Variants in TTF2 observed in about 807,000 individuals in gnomAD.
TTF2 encodes the protein transcription termination factor 2.
In TTF2, 108 loss-of-function variants were observed where a neutral mutation model predicts 142.4. The observed-to-expected ratio is 0.76, with a 90% CI of 0.65 to 0.89. TTF2 has a LOEUF of 0.89. TTF2 is among the 40% of genes least tolerant of loss of function. The pLI is 0.00. For missense variants in TTF2, 1,327 were observed against 1,379.8 expected, an observed-to-expected ratio of 0.96 and a Z score of 0.61; for synonymous variants, 483 against 506.2, an observed-to-expected ratio of 0.95 and a Z score of 0.61.
rs146843994 is a variant in TTF2, at chr1:117,085,245, C to T, written c.2054+1077C>T. ...TCTGAATTAGGCATATCATTTTTAT[C>T]AAAAGTATTTATTGAGGTTCTCTTG... is the stretch of plus-strand genomic sequence containing the variant. On this transcript the variant is annotated intron_variant, in intron 11 of 22. Transcript: ENST00000369466. The surrounding 1 kb of genome is among the most constrained non-coding windows in gnomAD (Gnocchi z 4.7). Among the ~76,000 whole-genome samples the T allele has an allele frequency of 2.0e-3, 312 of 152,204 alleles. 2 individuals carry two copies. Among genetic ancestry groups the T allele is most frequent in the African/African-American group, 7.4e-3 (306 of 41,518 alleles).
rs192551490 is a variant in TTF2, at chr1:117,097,545, G to A, written c.3269+112G>A. The A allele has an allele frequency of 2.2e-5, 22 of 990,632 alleles. No individual in the cohort carries two copies. The highest frequency in any genetic ancestry group is 7.1e-5 in the East Asian group (3 of 42,074). 61.4% of individuals were successfully genotyped at this position (990,632 alleles called of 1,614,324 possible). A position where few individuals can be genotyped will look rare whatever the true frequency, so the allele number is the denominator to read the frequency against. On this transcript the variant is annotated intron_variant, in intron 21 of 22. Coordinates refer to ENST00000369466, the MANE Select transcript of TTF2 (RefSeq NM_003594.4). The surrounding 1 kb of genome is among the most constrained non-coding windows in gnomAD (Gnocchi z 4.1). ...TTGATTGCTGTGTTCGTATTGCAGA[G>A]ATGCCTTGCTTTGTATGTGTCTATA... is the stretch of plus-strand genomic sequence containing the variant.
rs1323841645 is a variant in TTF2, at chr1:117,099,704, C to A, written c.3344+797C>A. ...TCACAATGGCCCTCTTTTTTGCCTTCCTTTTCATGACCAGGTTTCCTGAAG... is the reference window on the plus strand; with the variant it reads ...TCACAATGGCCCTCTTTTTTGCCTTACTTTTCATGACCAGGTTTCCTGAAG... On this transcript the variant is annotated intron_variant, in intron 22 of 22. Transcript: ENST00000369466. This position sits in a 1 kb window ranked among gnomAD's most constrained non-coding sequence, Gnocchi z 4.3. 6.6e-6 allele frequency among the ~76,000 whole-genome samples: 1 copy of A among 152,174 alleles called. No individual in the cohort carries two copies. The highest frequency in any genetic ancestry group is 2.4e-5 in the African/African-American group (1 of 41,436).
intron 2 of TTF2, 52 bp downstream of exon 2, chr1:117,060,609 A>T: frequency 6.6e-7 from 1 of 1,525,778 alleles, no homozygotes; most frequent in Non-Finnish European, 8.8e-7. Flanking sequence ...GCCTCCCGAG[A>T]GGAGCTTCCC....
rs1649889209 is a variant in TTF2, at chr1:117,105,758, T to C, written c.*4234T>C. On this transcript the variant is annotated 3_prime_UTR_variant, in exon 23 of 23. Transcript: ENST00000369466. This position sits in a 1 kb window ranked among gnomAD's most constrained non-coding sequence, Gnocchi z 4.7. ...AGCAGAGTAAGTGTTTTTGGAACAA[T>C]TGCTAATGAAAAGAAGGAAAAACAG... The C allele has an allele frequency of 6.6e-6, 1 of 152,024 alleles. No homozygotes were observed. The allele number at this position is 152,024 out of a possible 1,614,324, so 9.4% of individuals were successfully genotyped here. A position where few individuals can be genotyped will look rare whatever the true frequency, so the allele number is the denominator to read the frequency against.
At chr1:117,089,935 A>G (rs1205497809) in intron 13 of TTF2, 120 bp from the exon 14 acceptor site, 2 of 1,176,986 alleles carry the variant, frequency 1.7e-6, no homozygotes, top group African/African-American at 3.1e-5. Flanking sequence ...TTTAAAAGTG[A>G]TTGGATGACA....
rs938367875 is a variant in TTF2, at chr1:117,070,489, C to A, written c.219-3172C>A. On this transcript the variant is annotated intron_variant, in intron 3 of 22. Transcript: ENST00000369466. This position sits in a 1 kb window ranked among gnomAD's most constrained non-coding sequence, Gnocchi z 4.2. The stretch of plus-strand genomic sequence containing the variant: ...TCTCATGGGACCACAGTTGTATGTG[C>A]CATCCACTGTTGACTGAAACATCAT... Among the ~76,000 whole-genome samples, 15 of 152,180 alleles carry A rather than the reference C, an allele frequency of 9.9e-5. No homozygotes were observed. The highest frequency in any genetic ancestry group is 2.1e-4 in the Non-Finnish European group (14 of 68,040).
In TTF2 at chr1:117,080,560, G is replaced by A. The variant is rs140770730; in HGVS notation, c.1783+911G>A. ...AACCAGAAAGCAAGTTTTCCACTCT[G>A]CTTTGGGGACTTGTCAGGCTAAAAT... On this transcript the variant is annotated intron_variant, in intron 9 of 22. Transcript: ENST00000369466. The surrounding 1 kb of genome is among the most constrained non-coding windows in gnomAD (Gnocchi z 4.3). 8.3e-4 allele frequency among the ~76,000 whole-genome samples: 126 copies of A among 152,314 alleles called. No individual in the cohort carries two copies. Among genetic ancestry groups the A allele is most frequent in the Non-Finnish European group, 5.0e-4 (34 of 68,020 alleles).
chr1:117,060,868 C>A (rs1246039402), intron 2 of TTF2, among the ~76,000 whole-genome samples: 1 of 152,202 alleles, frequency 6.6e-6, no homozygotes, highest in Non-Finnish European at 1.5e-5. Context: ...TTAACCACTC[C>A]CTTCTCCTGC....
chr1:117,090,101 C>A lies in TTF2; in HGVS notation c.2389C>A (p.Gln797Lys). The A allele has an allele frequency of 6.2e-7, 1 of 1,614,014 alleles. No individual in the cohort carries two copies. Among genetic ancestry groups the A allele is most frequent in the South Asian group, 1.1e-5 (1 of 91,046 alleles). ...PFDEFNLWRS[Q>K]VDNGSKKGGE... The stretch of plus-strand genomic sequence containing the variant: ...TGATGAGTTCAATCTGTGGAGGAGT[C>A]AGGTTGACAATGGCTCAAAGAAAGG... Residue 797 changes from glutamine to lysine, a missense_variant, in exon 14 of 23, where the codon CAG (glutamine) becomes AAG (lysine). Coordinates refer to ENST00000369466, the MANE Select transcript of TTF2 (RefSeq NM_003594.4). This position sits in a 1 kb window ranked among gnomAD's most constrained non-coding sequence, Gnocchi z 4.8.
rs916659375 is a variant in TTF2 at position 117,104,925 on chromosome 1, C to T, written c.*3401C>T. On this transcript the variant is annotated 3_prime_UTR_variant, in exon 23 of 23. Transcript: ENST00000369466. ...TATTCATTTTAGTGTAAATCAGTTT[C>T]GTCAAGTCTAGGTATGACAAGGTGG... 2.0e-5 allele frequency: 3 copies of T among 152,126 alleles called. No individual in the cohort carries two copies. Among genetic ancestry groups the T allele is most frequent in the Non-Finnish European group, 2.9e-5 (2 of 68,032 alleles). 9.4% of individuals were successfully genotyped at this position (152,126 alleles called of 1,614,324 possible). A position where few individuals can be genotyped will look rare whatever the true frequency, so the allele number is the denominator to read the frequency against.
rs911842400 is a variant in TTF2 at position 117,103,055 on chromosome 1, C to G, written c.*1531C>G. 6.6e-5 allele frequency: 10 copies of G among 152,204 alleles called. No individual in the cohort carries two copies. Among genetic ancestry groups the G allele is most frequent in the African/African-American group, 2.2e-4 (9 of 41,424 alleles). The allele number at this position is 152,204 out of a possible 1,614,324, so 9.4% of individuals were successfully genotyped here. A position where few individuals can be genotyped will look rare whatever the true frequency, so the allele number is the denominator to read the frequency against. The stretch of plus-strand genomic sequence containing the variant: ...CAAAAGATCATTCATGCTGTTTCTT[C>G]CCTCCTCAGCCTATGGGATGCAAAG... On this transcript the variant is annotated 3_prime_UTR_variant, in exon 23 of 23. Transcript: ENST00000369466.
In TTF2 at chr1:117,090,621, A is replaced by C; in HGVS notation, c.2586A>C (p.Ser862=). The change falls in exon 15 of 23, where the codon TCA becomes TCC. Residue 862 remains serine, a splice_region_variant and synonymous_variant. Coordinates refer to ENST00000369466, the MANE Select transcript of TTF2 (RefSeq NM_003594.4). The surrounding 1 kb of genome is among the most constrained non-coding windows in gnomAD (Gnocchi z 4.8). ...TTTACAATGTGTTTTTTGCAAGATC[A>C]AGGTGTGTGTATTAAAGAAGCACCT... ...ETVYNVFFAR[S]RSALQSYLKR... The C allele has an allele frequency of 1.9e-6, 3 of 1,613,060 alleles. No individual in the cohort carries two copies. The highest frequency in any genetic ancestry group is 1.7e-6 in the Non-Finnish European group (2 of 1,179,338).
In TTF2 at chr1:117,101,428, A is replaced by G; in HGVS notation, c.3393A>G (p.Glu1131=). 2 of 1,609,610 alleles carry G rather than the reference A, an allele frequency of 1.2e-6. No individual in the cohort carries two copies. The highest frequency in any genetic ancestry group is 1.7e-6 in the Non-Finnish European group (2 of 1,179,086). Residue 1131 remains glutamate (E), a synonymous_variant, in exon 23 of 23, where the codon GAA becomes GAG. Coordinates refer to ENST00000369466, the MANE Select transcript of TTF2 (RefSeq NM_003594.4). This position sits in a 1 kb window ranked among gnomAD's most constrained non-coding sequence, Gnocchi z 5.9. The part of the protein sequence containing the change: ...TVEEKILQLQ[E]KKKDLAKQVL... ...AAGAAAAGATCTTACAGCTCCAAGA[A>G]AAAAAGAAAGATTTGGCCAAACAAG...
rs974697299 is a variant in TTF2 at position 117,087,183 on chromosome 1, C to A, written c.2160+661C>A. 6.6e-6 allele frequency among the ~76,000 whole-genome samples: 1 copy of A among 152,216 alleles called. No individual in the cohort carries two copies. Among genetic ancestry groups the A allele is most frequent in the Non-Finnish European group, 1.5e-5 (1 of 68,038 alleles). On this transcript the variant is annotated intron_variant, in intron 12 of 22. Transcript: ENST00000369466. The surrounding 1 kb of genome is among the most constrained non-coding windows in gnomAD (Gnocchi z 4.8). ...TTGGAGAGATCTCTAGAACATTTCTCCAGCTTATAACCAACTCTGACTTAT... is the reference window on the plus strand; with the variant it reads ...TTGGAGAGATCTCTAGAACATTTCTACAGCTTATAACCAACTCTGACTTAT...
chr1:117,060,420 TG>T (rs1655561552), intron 1 of TTF2, 34 bp from the exon 2 acceptor site: 1 of 1,609,960 alleles, frequency 6.2e-7, no homozygotes, highest in African/African-American at 1.3e-5. Flanking sequence ...TGATTTAGCG[TG>T]GCGTAATCGT....
chr1:117,078,718 A>G (rs1647220775), intron 8 of TTF2, among the ~76,000 whole-genome samples: 1 of 152,236 alleles, frequency 6.6e-6, no homozygotes, highest in Admixed American at 6.5e-5. Flanking sequence ...TCGCTGTAGC[A>G]TTTAAGCAGG....
In TTF2 at chr1:117,092,054, G is replaced by C; in HGVS notation, c.2805+104G>C. On this transcript the variant is annotated intron_variant, in intron 17 of 22. Transcript: ENST00000369466. This position sits in a 1 kb window ranked among gnomAD's most constrained non-coding sequence, Gnocchi z 4.4. ...TGGAATCCAGTCTGCTTGATCAAAG[G>C]AAATGCTGTTTCGGTTTTTCTATTT... 2 of 1,263,728 alleles carry C rather than the reference G, an allele frequency of 1.6e-6. No individual in the cohort carries two copies. The highest frequency in any genetic ancestry group is 2.1e-6 in the Non-Finnish European group (2 of 944,424). 78.3% of individuals were successfully genotyped at this position (1,263,728 alleles called of 1,614,324 possible).
At position 117,065,404 on chromosome 1, in the gene TTF2, A is replaced by C. The variant is rs61789116; in HGVS notation, c.218+2931A>C. 1.4e-3 allele frequency among the ~76,000 whole-genome samples: 207 copies of C among 152,258 alleles called. 1 individual carries two copies. The highest frequency in any genetic ancestry group is 6.8e-3 in the Middle Eastern group (2 of 292). On this transcript the variant is annotated intron_variant, in intron 3 of 22. Transcript: ENST00000369466. ...ACGAGGTCAGGAGATCGAGACCATCATGGCTAACAAGGTGAAACCCCATCT... is the reference window on the plus strand; with the variant it reads ...ACGAGGTCAGGAGATCGAGACCATCCTGGCTAACAAGGTGAAACCCCATCT...
At chr1:117,068,910 C>T (rs1270175915) in intron 3 of TTF2, among the ~76,000 whole-genome samples, 1 of 152,138 alleles carries the variant, frequency 6.6e-6, no homozygotes, top group Admixed American at 6.5e-5. Flanking sequence ...GTGGTAGTTA[C>T]GTTTTCCCAG....
Sources: gnomAD v4.1 joint callset for allele counts (sites outside exome capture counted in the v4.1 genomes callset) on GRCh38, gnomAD v4.1.1 for gene constraint, Gnocchi (gnomAD v3.1) non-coding constraint, MANE v1.5 for transcripts, NCBI Gene and HGNC (gene_info 2026-07-23, HGNC 2026-07-21) for gene names.